IFNAR1: variants seen among roughly 807,000 people sequenced by gnomAD.
IFNAR1 encodes the protein interferon alpha/beta receptor 1.
In IFNAR1, 47 loss-of-function variants were observed where a neutral mutation model predicts 62.1. The observed-to-expected ratio is 0.76, with a 90% CI of 0.60 to 0.97. The LOEUF (loss-of-function observed/expected upper bound fraction) is 0.97. IFNAR1 is among the 50% of genes least tolerant of loss of function. The pLI is 0.00. For missense variants in IFNAR1, 638 were observed against 654.5 expected (o/e 0.97, Z 0.27); for synonymous variants, 219 against 226.9 (o/e 0.97, Z 0.31).
intron 10 of IFNAR1, among the ~76,000 whole-genome samples, chr21:33,354,673 C>G (rs550846953): frequency 6.6e-6 from 1 of 152,112 alleles, no homozygotes; most frequent in African/African-American, 2.4e-5. Flanking sequence ...AAACCATGTG[C>G]TCATCTAGGG....
rs546366159 is a variant in IFNAR1 at position 33,353,559 on chromosome 21, A to G, written c.1295-79A>G. The G allele has an allele frequency of 4.5e-5, 33 of 726,894 alleles. No homozygotes were observed. The African/African-American group carries it at 5.7e-4, about 13-fold the overall frequency. The allele number at this position is 726,894 out of a possible 1,614,324, so 45.0% of individuals were successfully genotyped here. On this transcript the variant is annotated intron_variant, in intron 9 of 10. Coordinates refer to ENST00000270139, the MANE Select transcript of IFNAR1 (RefSeq NM_000629.3). ...ATTTTATATTTCCTTTCATATGGCT[A>G]GTCTTTCACACAGCTGTCAGCACTG...
In IFNAR1 at chr21:33,355,488, A is replaced by G. The variant is rs1259792481; in HGVS notation, c.1613A>G (p.Tyr538Cys). 1 of 1,606,756 alleles carries G rather than the reference A, an allele frequency of 6.2e-7. No individual in the cohort carries two copies. Among genetic ancestry groups the G allele is most frequent in the Admixed American group, 1.7e-5 (1 of 57,974 alleles). Reference protein sequence around the residue: ...SSQTSQDSGNYSNEDESESKT... With the variant: ...SSQTSQDSGNCSNEDESESKT... ...CAAACTAGCCAAGATTCAGGAAATTATTCTAATGAAGATGAAAGCGAAAGT... is the reference window on the plus strand; with the variant it reads ...CAAACTAGCCAAGATTCAGGAAATTGTTCTAATGAAGATGAAAGCGAAAGT... Residue 538 changes from tyrosine to cysteine, a missense_variant, in exon 11 of 11, where the codon TAT (tyrosine) becomes TGT (cysteine). Physicochemically the swap from Tyr to Cys is radical, Grantham distance 194. Transcript: ENST00000270139.
chr21:33,344,590 C>T (rs2083326944), intron 5 of IFNAR1, among the ~76,000 whole-genome samples: 1 of 152,012 alleles, frequency 6.6e-6, no homozygotes, highest in Non-Finnish European at 1.5e-5. Context: ...AGCATATACA[C>T]AGACCCACAG....
chr21:33,352,539 A>T (rs1601865130), intron 8 of IFNAR1, among the ~76,000 whole-genome samples: 1 of 152,042 alleles, frequency 6.6e-6, no homozygotes, highest in African/African-American at 2.4e-5. Context: ...GGAGGCAGAG[A>T]TTGCAGTGAG....
At chr21:33,347,345 G>C (rs993379552) in intron 6 of IFNAR1, among the ~76,000 whole-genome samples, 1 of 152,138 alleles carries the variant, frequency 6.6e-6, no homozygotes, top group African/African-American at 2.4e-5. Context: ...GGCCAGGCTG[G>C]TCTCGAACTC....
intron 1 of IFNAR1, among the ~76,000 whole-genome samples, chr21:33,330,334 A>G (rs1277320795): frequency 6.6e-6 from 1 of 152,160 alleles, no homozygotes; most frequent in Non-Finnish European, 1.5e-5. Flanking sequence ...TTAAAGGGCT[A>G]GAAATCTCCC....
chr21:33,340,490 C>G (rs17875812), intron 2 of IFNAR1, among the ~76,000 whole-genome samples: 5,283 of 151,618 alleles, frequency 0.035, 317 homozygotes, highest in African/African-American at 0.12. Context: ...TACCCAGTAG[C>G]TAGGACTGTG....
intron 2 of IFNAR1, among the ~76,000 whole-genome samples, chr21:33,337,778 G>GTGTATACATACATATACACACAT (rs2083257168): frequency 2.1e-5 from 1 of 48,328 alleles, no homozygotes; most frequent in African/African-American, 9.5e-5. Flanking sequence ...TATACACACT[G>GTGTATACATACATATACACACAT]TATATGTATA....
intron 8 of IFNAR1, among the ~76,000 whole-genome samples, chr21:33,351,418 C>T (rs944440117): frequency 6.6e-5 from 10 of 152,184 alleles, no homozygotes; most frequent in African/African-American, 2.4e-4. Context: ...CTGACCTAAA[C>T]CCCATGCACA....
intron 1 of IFNAR1, among the ~76,000 whole-genome samples, chr21:33,326,544 G>A (rs1268611320): frequency 6.6e-6 from 1 of 152,156 alleles, no homozygotes; most frequent in Non-Finnish European, 1.5e-5. Flanking sequence ...GACTTAGGTT[G>A]TAGACCTGAA....
rs1290318410 is a variant in IFNAR1 at position 33,356,763 on chromosome 21, C to G, written c.*1214C>G. 6.6e-6 allele frequency: 1 copy of G among 152,168 alleles called. No homozygotes were observed. Among genetic ancestry groups the G allele is most frequent in the Non-Finnish European group, 1.5e-5 (1 of 68,040 alleles). The allele number at this position is 152,168 out of a possible 1,614,324, so 9.4% of individuals were successfully genotyped here. On this transcript the variant is annotated 3_prime_UTR_variant, in exon 11 of 11. Coordinates refer to ENST00000270139, the MANE Select transcript of IFNAR1 (RefSeq NM_000629.3). ...ACCAGAAAATGGCAATGATAGGAGA[C>G]TGACATAGAAGAAGAATGCTTCCCT...
intron 1 of IFNAR1, among the ~76,000 whole-genome samples, chr21:33,325,526 G>T (rs972078211): frequency 4.6e-5 from 7 of 152,312 alleles, no homozygotes; most frequent in Non-Finnish European, 7.3e-5. Context: ...TCCCACGGGG[G>T]AGTGAGCTAA....
At chr21:33,324,892 G>GGTGTGTGTGGGTGTGT, upstream of IFNAR1, 1 of 571,058 alleles carries the variant, frequency 1.8e-6, no homozygotes, top group South Asian at 2.2e-5. Context: ...GCGGAGGGGC[G>GGTGTGTGTGGGTGTGT]GTGTGTGTGT....
intron 1 of IFNAR1, among the ~76,000 whole-genome samples, chr21:33,326,956 G>A (rs2083132643): frequency 6.6e-6 from 1 of 152,154 alleles, no homozygotes; most frequent in Non-Finnish European, 1.5e-5. Context: ...GGTACCCAAA[G>A]AGAATCAGGG....
At chr21:33,324,885 G>A, upstream of IFNAR1, 2 of 590,232 alleles carry the variant, frequency 3.4e-6, no homozygotes, top group Admixed American at 2.8e-5. Context: ...CGCGTGCGCG[G>A]AGGGGCGGTG....
intron 1 of IFNAR1, among the ~76,000 whole-genome samples, chr21:33,331,459 A>G (rs1168366076): frequency 2.0e-5 from 3 of 152,178 alleles, no homozygotes; most frequent in Non-Finnish European, 2.9e-5. Flanking sequence ...GAAACAGAGC[A>G]GTGGCTGAGC....
At position 33,343,441 on chromosome 21, in the gene IFNAR1, T is replaced by A; in HGVS notation, c.531+19T>A. 6.3e-7 allele frequency: 1 copy of A among 1,599,672 alleles called. No individual in the cohort carries two copies. The highest frequency in any genetic ancestry group is 1.1e-5 in the South Asian group (1 of 89,516). ...TGTAGAAGTAAGCATTATTTTTACCTCTGTTTAATCGATGTGAGAGAAAAA... is the reference window on the plus strand; with the variant it reads ...TGTAGAAGTAAGCATTATTTTTACCACTGTTTAATCGATGTGAGAGAAAAA... On this transcript the variant is annotated intron_variant, in intron 4 of 10. Transcript: ENST00000270139.
intron 1 of IFNAR1, among the ~76,000 whole-genome samples, chr21:33,325,609 A>G (rs1409290685): frequency 6.6e-6 from 1 of 152,184 alleles, no homozygotes; most frequent in African/African-American, 2.4e-5. Context: ...TGACTGAAGC[A>G]TAATTGTCAG....
chr21:33,326,448 A>T (rs2083127884), intron 1 of IFNAR1, among the ~76,000 whole-genome samples: 1 of 151,932 alleles, frequency 6.6e-6, no homozygotes, highest in South Asian at 2.1e-4. Context: ...CAAACAATCC[A>T]CTTCAGCCTC....
Sources: gnomAD v4.1 joint callset for allele counts (sites outside exome capture counted in the v4.1 genomes callset) on GRCh38, gnomAD v4.1.1 for gene constraint, MANE v1.5 for transcripts, NCBI Gene and HGNC (gene_info 2026-07-23, HGNC 2026-07-21) for gene names.